ISOC2: variants seen among roughly 807,000 people sequenced by gnomAD.
ISOC2 encodes isochorismatase domain-containing protein 2.
Under a neutral mutation model 19.3 loss-of-function variants are expected in ISOC2, and 15 were observed. The observed-to-expected ratio is 0.78, with a 90% CI of 0.52 to 1.20. The LOEUF is 1.20. Among genes scored for constraint, ISOC2 ranks in the 50% most tolerant of loss-of-function variants. ISOC2 has a pLI of 0.00. For missense variants in ISOC2, 285 were observed against 272.4 expected, an observed-to-expected ratio of 1.05 and a Z score of -0.33; for synonymous variants, 106 against 115.8, an observed-to-expected ratio of 0.92 and a Z score of 0.54.
rs561051209 is a variant in ISOC2 at position 55,456,404 on chromosome 19, C to T, written c.83G>A (p.Arg28His). Reference protein sequence around the residue: ...LFLCDMQEKFRHNIAYFPQIV... With the variant: ...LFLCDMQEKFHHNIAYFPQIV... Reference sequence around the variant, plus strand: ...CTGTGGGAAGTAGGCGATGTTGTGGCGGAACTTCTCCTGCATGTCACACAG... The same window carrying T: ...CTGTGGGAAGTAGGCGATGTTGTGGTGGAACTTCTCCTGCATGTCACACAG... The change falls in exon 2 of 6, where the codon CGC becomes CAC. Residue 28 changes from arginine to histidine, a missense_variant. Coordinates refer to ENST00000425675, the MANE Select transcript of ISOC2 (RefSeq NM_001136201.2). The T allele has an allele frequency of 1.9e-5, 31 of 1,613,686 alleles. No homozygotes were observed. The highest frequency in any genetic ancestry group is 1.6e-4 in the Middle Eastern group (1 of 6,080).
intron 2 of ISOC2, 182 bp downstream of exon 2, chr19:55,456,167 G>A (rs1986053550): frequency 1.7e-6 from 1 of 592,980 alleles, no homozygotes; most frequent in Non-Finnish European, 3.0e-6. Flanking sequence ...TCTGAGGGTG[G>A]AGGGCTGAGC....
At chr19:55,453,433 G>T in intron 5 of ISOC2, 45 bp from the exon 6 acceptor site, 2 of 1,349,190 alleles carry the variant, frequency 1.5e-6, no homozygotes, top group Non-Finnish European at 2.0e-6. Flanking sequence ...CTAGGGTCCC[G>T]ATCTCCATGG....
chr19:55,456,826 C>T (rs1042809443), intron 1 of ISOC2, among the ~76,000 whole-genome samples: 1 of 152,142 alleles, frequency 6.6e-6, no homozygotes, highest in African/African-American at 2.4e-5. Context: ...ACCATCCGCC[C>T]CGGTTACCAT....
At position 55,455,689 on chromosome 19, in the gene ISOC2, G is replaced by A. The variant is rs143312877; in HGVS notation, c.295C>T (p.Pro99Ser). Residue 99 changes from proline to serine, a missense_variant, in exon 3 of 6, where the codon CCC (proline) becomes TCC (serine). Transcript: ENST00000425675. ...CAGAGCAGCACAGAGCGCAGCTGGG[G>A]CCGACTGTCCAGCTCCTGCTGCAGG... ...PALQQELDSR[P>S]QLRSVLLCGI... 252 of 1,610,894 alleles carry A rather than the reference G, an allele frequency of 1.6e-4. No individual in the cohort carries two copies. In the African/African-American group the frequency reaches 2.7e-3, roughly 17 times the overall value.
chr19:55,458,875 GTC>G (rs1291205097), intron 1 of ISOC2, among the ~76,000 whole-genome samples: 3 of 151,574 alleles, frequency 2.0e-5, no homozygotes, highest in African/African-American at 7.3e-5. Flanking sequence ...GTTGTTCCTT[GTC>G]TTTCTTTCTC....
At chr19:55,461,050 G>A in intron 1 of ISOC2, among the ~76,000 whole-genome samples, 1 of 152,140 alleles carries the variant, frequency 6.6e-6, no homozygotes, top group Non-Finnish European at 1.5e-5. Flanking sequence ...GATGTGAAGG[G>A]GAGGTCTGGG....
chr19:55,454,417 C>A (rs982039240), intron 5 of ISOC2: 1 of 156,232 alleles, frequency 6.4e-6, no homozygotes, highest in Non-Finnish European at 1.4e-5. Flanking sequence ...AAGGAGCAGA[C>A]CTGGGAGGGC....
chr19:55,456,812 G>A (rs1370522229), intron 1 of ISOC2, among the ~76,000 whole-genome samples: 3 of 152,046 alleles, frequency 2.0e-5, no homozygotes, highest in Admixed American at 6.6e-5. Context: ...TCATGATCCC[G>A]GTTACCATCC....
chr19:55,455,287 A>C lies in ISOC2; in HGVS notation c.392T>G (p.Val131Gly). ...DLLDRGLQVH[V>G]VVDACSSRSQ... The stretch of plus-strand genomic sequence containing the variant: ...GCGTGAGGAGCAGGCGTCCACCACC[A>C]CATGGACCTGCAGCCCCCGGTCTAG... Residue 131 changes from valine (V) to glycine (G), a missense_variant, in exon 4 of 6, where the codon GTG (valine) becomes GGG (glycine). By Grantham distance (109) the Val-to-Gly change is moderately radical. Coordinates refer to ENST00000425675, the MANE Select transcript of ISOC2 (RefSeq NM_001136201.2). 6.2e-7 allele frequency: 1 copy of C among 1,613,464 alleles called. No individual in the cohort carries two copies. Among genetic ancestry groups the C allele is most frequent in the East Asian group, 2.2e-5 (1 of 44,866 alleles).
rs1183645028 is a variant in ISOC2 at position 55,453,061 on chromosome 19, C to G, written c.*247G>C. The G allele has an allele frequency of 4.3e-6, 2 of 464,872 alleles. No individual in the cohort carries two copies. The highest frequency in any genetic ancestry group is 7.6e-6 in the Non-Finnish European group (2 of 263,196). The allele number at this position is 464,872 out of a possible 1,614,324, so 28.8% of individuals were successfully genotyped here. A position where few individuals can be genotyped will look rare whatever the true frequency, so the allele number is the denominator to read the frequency against. On this transcript the variant is annotated 3_prime_UTR_variant, in exon 6 of 6. Coordinates refer to ENST00000425675, the MANE Select transcript of ISOC2 (RefSeq NM_001136201.2). ...TCTTCTTCCCCTCCCCTTCCCGCCCCGTGAAGTGGCCCGGGGCCGAGCCCC... is the reference window on the plus strand; with the variant it reads ...TCTTCTTCCCCTCCCCTTCCCGCCCGGTGAAGTGGCCCGGGGCCGAGCCCC...
chr19:55,456,985 C>T (rs1416262115), intron 1 of ISOC2: 3 of 86,512 alleles, frequency 3.5e-5, no homozygotes, highest in Non-Finnish European at 7.3e-5. Flanking sequence ...TACTGTCAGC[C>T]CTGGTTACCA....
In ISOC2 at chr19:55,455,794, C is replaced by G. The variant is rs201318642; in HGVS notation, c.190G>C (p.Gly64Arg). ...AGCTCGGGCACCGTGGGGCCCAGGC[C>G]TTGTGGGTACTGCTCCGTCAGCATG... Reference protein sequence around the residue: ...PVMLTEQYPQGLGPTVPELGT... With the variant: ...PVMLTEQYPQRLGPTVPELGT... Residue 64 changes from glycine to arginine, a missense_variant, in exon 3 of 6, where the codon GGC becomes CGC. Coordinates refer to ENST00000425675, the MANE Select transcript of ISOC2 (RefSeq NM_001136201.2). The G allele has an allele frequency of 1.3e-6, 2 of 1,562,306 alleles. No individual in the cohort carries two copies. The highest frequency in any genetic ancestry group is 4.7e-5 in the East Asian group (2 of 42,328).
At position 55,455,722 on chromosome 19, in the gene ISOC2, C is replaced by T. The variant is rs1190693594; in HGVS notation, c.262G>A (p.Val88Met). 3 of 1,610,668 alleles carry T rather than the reference C, an allele frequency of 1.9e-6. No homozygotes were observed. The highest frequency in any genetic ancestry group is 1.3e-5 in the African/African-American group (1 of 75,044). The change falls in exon 3 of 6, where the codon GTG (valine) becomes ATG (methionine). Residue 88 changes from valine (V) to methionine (M), a missense_variant. Val to Met is a conservative substitution (Grantham distance 21). Transcript: ENST00000425675. ...RPLAKTCFSM[V>M]PALQQELDSR... ...TCCAGCTCCTGCTGCAGGGCAGGCACCATGCTGAAGCAGGTCTTGGCCAGC... is the reference window on the plus strand; with the variant it reads ...TCCAGCTCCTGCTGCAGGGCAGGCATCATGCTGAAGCAGGTCTTGGCCAGC...
At chr19:55,455,413 A>C in intron 3 of ISOC2, 83 bp from the exon 4 acceptor site, 1 of 1,555,124 alleles carries the variant, frequency 6.4e-7, no homozygotes, top group Non-Finnish European at 8.9e-7. Context: ...AGTCAGAATT[A>C]GGGGCCCAGA....
chr19:55,456,381 G>T lies in ISOC2; in HGVS notation c.106C>A (p.Gln36Lys). The T allele has an allele frequency of 1.2e-6, 2 of 1,613,956 alleles. No homozygotes were observed. Among genetic ancestry groups the T allele is most frequent in the South Asian group, 2.2e-5 (2 of 91,080 alleles). Residue 36 changes from glutamine to lysine, a missense_variant, in exon 2 of 6, where the codon CAG becomes AAG. Physicochemically the swap from Gln to Lys is moderately conservative, Grantham distance 53 (BLOSUM62 1). Transcript: ENST00000425675. ...KFRHNIAYFPQIVSVAARMLK... is the reference protein window; with the variant it reads ...KFRHNIAYFPKIVSVAARMLK... Reference sequence around the variant, plus strand: ...ATGCGGGCAGCCACTGAGACGATCTGTGGGAAGTAGGCGATGTTGTGGCGG... The same window carrying T: ...ATGCGGGCAGCCACTGAGACGATCTTTGGGAAGTAGGCGATGTTGTGGCGG...
At chr19:55,455,152 T>C in intron 4 of ISOC2, 46 bp from the exon 5 acceptor site, 1 of 1,589,790 alleles carries the variant, frequency 6.3e-7, no homozygotes, top group Non-Finnish European at 8.6e-7. Context: ...GACGCCGCAG[T>C]CTGGACACCC....
At chr19:55,455,487 G>T in intron 3 of ISOC2, 149 bp downstream of exon 3, 1 of 1,144,878 alleles carries the variant, frequency 8.7e-7, no homozygotes, top group Non-Finnish European at 1.3e-6. Flanking sequence ...ATCCAAGATA[G>T]GATGGGGCCC....
intron 1 of ISOC2, chr19:55,459,647 G>A (rs1252760463): frequency 6.7e-6 from 1 of 150,256 alleles, no homozygotes; most frequent in African/African-American, 2.4e-5. Flanking sequence ...AGACCCTCCA[G>A]CCTCAGCCCA....
Position 55,455,376 on chromosome 19 carries a change from G to A in ISOC2, c.349-46C>T, listed in dbSNP as rs369547081. 4.3e-6 allele frequency: 7 copies of A among 1,609,850 alleles called. No individual in the cohort carries two copies. In the East Asian group the frequency reaches 8.9e-5, roughly 21 times the overall value. ...GGGCCAACCCCGGATAAGAACGGGG[G>A]TCCTGGGTAAGGAATTGGGGATGGT... is the stretch of plus-strand genomic sequence containing the variant. On this transcript the variant is annotated intron_variant, in intron 3 of 5. Coordinates refer to ENST00000425675, the MANE Select transcript of ISOC2 (RefSeq NM_001136201.2).
Sources: allele counts gnomAD v4.1 joint callset (sites outside exome capture counted in the v4.1 genomes callset), GRCh38; gene constraint gnomAD v4.1.1; transcripts MANE v1.5; gene names NCBI Gene and HGNC (gene_info 2026-07-23, HGNC 2026-07-21).